The following RASAL2 variants were observed in gnomAD, a reference collection of about 807,000 sequenced individuals.
RASAL2 encodes the protein ras GTPase-activating protein nGAP.
A neutral mutation model predicts 128.9 loss-of-function variants in RASAL2; 58 were observed. The ratio of observed to expected loss-of-function variants is 0.45; its 90% CI spans 0.36 to 0.56. The LOEUF is 0.56. Ranked by LOEUF, RASAL2 falls within the 20% of genes least tolerant of loss-of-function variation. The pLI is 0.00. For missense variants in RASAL2, 1,360 were observed against 1,601.6 expected (o/e 0.85, Z 2.57); for synonymous variants, 561 against 580.8 (o/e 0.97, Z 0.49).
intron 3 of RASAL2, among the ~76,000 whole-genome samples, chr1:178,315,252 A>G (rs1347237941): frequency 4.7e-5 from 7 of 149,320 alleles, no homozygotes; most frequent in East Asian, 2.0e-4. Flanking sequence ...ATAACCATAC[A>G]TGTGCATGTG....
chr1:178,378,132 C>G (rs562423890), intron 3 of RASAL2, among the ~76,000 whole-genome samples: 135 of 150,592 alleles, frequency 9.0e-4, no homozygotes, highest in African/African-American at 3.2e-3. Flanking sequence ...TAAATATTGT[C>G]AGACTGGATT....
chr1:178,439,862 C>T (rs531866113), intron 6 of RASAL2, among the ~76,000 whole-genome samples: 76 of 152,122 alleles, frequency 5.0e-4, no homozygotes, highest in African/African-American at 1.7e-3. Flanking sequence ...AATAACATTA[C>T]ATTACTATGT....
At chr1:178,173,536 C>T (rs1374109081) in intron 1 of RASAL2, among the ~76,000 whole-genome samples, 1 of 151,886 alleles carries the variant, frequency 6.6e-6, no homozygotes, top group African/African-American at 2.4e-5. Context: ...TATGTATGTT[C>T]TTGGGTACAT....
chr1:178,458,698 T>C (rs1677963828), intron 14 of RASAL2, among the ~76,000 whole-genome samples, 154 bp downstream of exon 14: 1 of 152,146 alleles, frequency 6.6e-6, no homozygotes, highest in Non-Finnish European at 1.5e-5. Flanking sequence ...TTTGGGAGGC[T>C]TCTGCCCAGG....
intron 1 of RASAL2, among the ~76,000 whole-genome samples, chr1:178,275,027 T>G (rs1666430340): frequency 6.6e-6 from 1 of 152,242 alleles, no homozygotes; most frequent in Non-Finnish European, 1.5e-5. Context: ...AGGTTTAGTA[T>G]GAACTGTAGA....
chr1:178,215,666 C>T (rs1460543450), intron 1 of RASAL2, among the ~76,000 whole-genome samples: 1 of 152,060 alleles, frequency 6.6e-6, no homozygotes, highest in African/African-American at 2.4e-5. Flanking sequence ...GTTTCTTCTC[C>T]CTAGCTCTAC....
At chr1:178,442,463 A>T (rs1676719579) in intron 7 of RASAL2, among the ~76,000 whole-genome samples, 1 of 152,022 alleles carries the variant, frequency 6.6e-6, no homozygotes, top group African/African-American at 2.4e-5. Flanking sequence ...AACTATATAT[A>T]ATATATATAA....
rs755453679 is a variant in RASAL2 at position 178,170,544 on chromosome 1, T to C, written c.202+75850T>C. ...TATGTATAACTATTTAAATATTTTCTCCTTTTTATAGCATATTTTTCAAGA... is the reference window on the plus strand; with the variant it reads ...TATGTATAACTATTTAAATATTTTCCCCTTTTTATAGCATATTTTTCAAGA... On this transcript the variant is annotated intron_variant, in intron 1 of 17. Transcript: ENST00000367649. Among the ~76,000 whole-genome samples, 90 of 151,734 alleles carry C rather than the reference T, an allele frequency of 5.9e-4. 1 individual carries two copies. The highest frequency in any genetic ancestry group is 5.9e-3 in the Admixed American group (90 of 15,196).
At chr1:178,198,641 A>G (rs1304957279) in intron 1 of RASAL2, among the ~76,000 whole-genome samples, 1 of 152,116 alleles carries the variant, frequency 6.6e-6, no homozygotes, top group Non-Finnish European at 1.5e-5. Flanking sequence ...CAGAACAGCA[A>G]ATATTGCAGA....
chr1:178,405,356 C>T (rs544997780), intron 4 of RASAL2, among the ~76,000 whole-genome samples: 1 of 152,274 alleles, frequency 6.6e-6, no homozygotes, highest in South Asian at 2.1e-4. Flanking sequence ...GTGGTTCCTC[C>T]CCCATCTCCC....
chr1:178,187,523 G>A (rs944117089), intron 1 of RASAL2, among the ~76,000 whole-genome samples: 2 of 151,612 alleles, frequency 1.3e-5, no homozygotes, highest in Non-Finnish European at 2.9e-5. Context: ...CTTTTTTCTG[G>A]TTGAAGTTCA....
chr1:178,437,170 A>G (rs1055048742), intron 5 of RASAL2, among the ~76,000 whole-genome samples: 1 of 152,146 alleles, frequency 6.6e-6, no homozygotes, highest in African/African-American at 2.4e-5. Flanking sequence ...GCCTGAAGGA[A>G]TAGAATAAGG....
Position 178,451,638 on chromosome 1 carries a change from T to C in RASAL2, c.1695T>C (p.Ser565=). ...NCEVDPSKCS[S]SELIDHQSNL... Reference sequence around the variant, plus strand: ...AAGTGGATCCCAGCAAATGTTCATCTAGTGAACTGATAGACCATCAGAGCA... The same window carrying C: ...AAGTGGATCCCAGCAAATGTTCATCCAGTGAACTGATAGACCATCAGAGCA... The change falls in exon 10 of 18, where the codon TCT becomes TCC. Residue 565 remains serine, a synonymous_variant. Transcript: ENST00000367649. 6.2e-7 allele frequency: 1 copy of C among 1,613,920 alleles called. No individual in the cohort carries two copies. Among genetic ancestry groups the C allele is most frequent in the Non-Finnish European group, 8.5e-7 (1 of 1,179,806 alleles).
chr1:178,272,897 A>G (rs997004991), intron 1 of RASAL2, among the ~76,000 whole-genome samples: 1 of 152,148 alleles, frequency 6.6e-6, no homozygotes, highest in African/African-American at 2.4e-5. Context: ...GCACCATTGC[A>G]CTGCAGCCTG....
At chr1:178,160,642 A>G (rs1465610540) in intron 1 of RASAL2, among the ~76,000 whole-genome samples, 1 of 152,226 alleles carries the variant, frequency 6.6e-6, no homozygotes, top group Admixed American at 6.5e-5. Flanking sequence ...TCTCAAAAAA[A>G]TAATAATAAT....
At chr1:178,249,919 G>A (rs989786911) in intron 1 of RASAL2, among the ~76,000 whole-genome samples, 1 of 152,188 alleles carries the variant, frequency 6.6e-6, no homozygotes, top group Non-Finnish European at 1.5e-5. Context: ...ATTGCTACCT[G>A]TTCCTTCCTC....
At chr1:178,226,298 T>C (rs1663784688) in intron 1 of RASAL2, among the ~76,000 whole-genome samples, 1 of 152,206 alleles carries the variant, frequency 6.6e-6, no homozygotes, top group African/African-American at 2.4e-5. Context: ...CATGTTTCTT[T>C]GTGCCCACAT....
intron 1 of RASAL2, among the ~76,000 whole-genome samples, chr1:178,242,036 T>C (rs1324105172): frequency 6.6e-6 from 1 of 152,232 alleles, no homozygotes; most frequent in African/African-American, 2.4e-5. Context: ...GATTTATTTA[T>C]AGTATTTTTG....
chr1:178,330,402 A>AT (rs1030527622), intron 3 of RASAL2, among the ~76,000 whole-genome samples: 14 of 152,170 alleles, frequency 9.2e-5, no homozygotes, highest in African/African-American at 2.6e-4. Flanking sequence ...TGATGTCTGC[A>AT]TTTTTTTACC....
Sources: gnomAD v4.1 joint callset for allele counts (sites outside exome capture counted in the v4.1 genomes callset) on GRCh38, gnomAD v4.1.1 for gene constraint, MANE v1.5 for transcripts, NCBI Gene and HGNC (gene_info 2026-07-23, HGNC 2026-07-21) for gene names.